Variants in ELAVL4 observed in about 807,000 individuals in gnomAD.
The protein encoded by ELAVL4 is ELAV-like protein 4.
In ELAVL4, 1 loss-of-function variant was observed where a neutral mutation model predicts 35.6. The ratio of observed to expected loss-of-function variants is 0.03; its 90% CI spans 0.01 to 0.13. The LOEUF (loss-of-function observed/expected upper bound fraction) is 0.13, where lower values mean the gene tolerates loss of function less well. Ranked by LOEUF, ELAVL4 falls within the 10% of genes least tolerant of loss-of-function variation. The pLI is 1.00. For missense variants in ELAVL4, 267 were observed against 464.9 expected, an observed-to-expected ratio of 0.57 and a Z score of 3.91; for synonymous variants, 156 against 171.0, an observed-to-expected ratio of 0.91 and a Z score of 0.69.
chr1:50,184,398 C>CCA (rs1553188562), intron 3 of ELAVL4, among the ~76,000 whole-genome samples: 2 of 141,926 alleles, frequency 1.4e-5, no homozygotes, highest in African/African-American at 5.2e-5. Context: ...TGAGCTGCTT[C>CCA]AAAAAAAAAA....
At chr1:50,133,635 GAAAGA>G (rs1166045780) in intron 1 of ELAVL4, among the ~76,000 whole-genome samples, 6 of 148,886 alleles carry the variant, frequency 4.0e-5, no homozygotes, top group Non-Finnish European at 6.0e-5. Flanking sequence ...AAGAAAGAAA[GAAAGA>G]AAGAAAGAAA....
upstream of ELAVL4, among the ~76,000 whole-genome samples, chr1:50,104,261 TTTAAA>T (rs1244884414): frequency 6.6e-6 from 1 of 152,252 alleles, no homozygotes; most frequent in Non-Finnish European, 1.5e-5. Context: ...ATAAACACTC[TTTAAA>T]TTAGCACCAA....
At chr1:50,109,561 G>A in intron 1 of ELAVL4, 1 of 371,108 alleles carries the variant, frequency 2.7e-6, no homozygotes, top group South Asian at 4.2e-5. Context: ...TACGTGCCTG[G>A]GTTTTGTGGG....
chr1:50,064,921 A>C (rs746413064), intron 1 of ELAVL4, among the ~76,000 whole-genome samples: 4 of 152,062 alleles, frequency 2.6e-5, no homozygotes, highest in Non-Finnish European at 4.4e-5. Context: ...ATATGGGTTT[A>C]ACTGCTTTGA....
chr1:50,121,411 C>T (rs1669014720), intron 1 of ELAVL4, among the ~76,000 whole-genome samples: 1 of 151,900 alleles, frequency 6.6e-6, no homozygotes. Context: ...AAAATTAAAA[C>T]AATGGAATGA....
intron 3 of ELAVL4, among the ~76,000 whole-genome samples, chr1:50,189,434 G>A (rs964501903): frequency 2.6e-5 from 4 of 152,248 alleles, no homozygotes; most frequent in African/African-American, 9.6e-5. Context: ...GCAGAATTGG[G>A]AAGTCACTTT....
rs192759305 is a variant in ELAVL4 at position 50,186,895 on chromosome 1, A to G, written c.355-6870A>G. Among the ~76,000 whole-genome samples the G allele has an allele frequency of 2.2e-3, 338 of 152,314 alleles. 1 individual carries two copies. Among genetic ancestry groups the G allele is most frequent in the African/African-American group, 7.9e-3 (328 of 41,552 alleles). On this transcript the variant is annotated intron_variant, in intron 3 of 6. Coordinates refer to ENST00000371824, the MANE Select transcript of ELAVL4 (RefSeq NM_001144774.3). The stretch of plus-strand genomic sequence containing the variant: ...GGAAGTGTAAAGAGTGGTGCTACAT[A>G]AGCAGATGCCTGTCCTGCCTGTGAA...
chr1:50,067,574 A>G (rs1391273043), intron 1 of ELAVL4, among the ~76,000 whole-genome samples: 1 of 152,192 alleles, frequency 6.6e-6, no homozygotes, highest in African/African-American at 2.4e-5. Context: ...CAGGGTTTGT[A>G]TGTTCTGTCA....
At chr1:50,110,019 G>A (rs995188111) in intron 1 of ELAVL4, 1 of 1,604,570 alleles carries the variant, frequency 6.2e-7, no homozygotes, top group Non-Finnish European at 8.5e-7. Flanking sequence ...GTGTGTGTGT[G>A]TGTGTGTGCT....
intron 1 of ELAVL4, among the ~76,000 whole-genome samples, chr1:50,093,425 T>C (rs1665578498): frequency 6.6e-6 from 1 of 152,192 alleles, no homozygotes; most frequent in Non-Finnish European, 1.5e-5. Flanking sequence ...CTGATGTCCT[T>C]TTGAACCACC....
At chr1:50,110,635 C>A (rs1666910101) in intron 1 of ELAVL4, among the ~76,000 whole-genome samples, 1 of 152,128 alleles carries the variant, frequency 6.6e-6, no homozygotes, top group Non-Finnish European at 1.5e-5. Flanking sequence ...TTTTCACCAG[C>A]AATAGGTTTC....
intron 2 of ELAVL4, among the ~76,000 whole-genome samples, chr1:50,165,784 G>A (rs1350447789): frequency 6.6e-6 from 1 of 150,914 alleles, no homozygotes; most frequent in East Asian, 1.9e-4. Flanking sequence ...GTGTATATAT[G>A]TGTATATATA....
intron 2 of ELAVL4, among the ~76,000 whole-genome samples, chr1:50,166,054 A>G (rs1677855814): frequency 6.6e-6 from 1 of 151,942 alleles, no homozygotes; most frequent in Non-Finnish European, 1.5e-5. Context: ...TGCCTGCTTT[A>G]TATTCTAAGG....
intron 1 of ELAVL4, among the ~76,000 whole-genome samples, chr1:50,081,120 G>A (rs1664987733): frequency 6.6e-6 from 1 of 152,128 alleles, no homozygotes; most frequent in Non-Finnish European, 1.5e-5. Flanking sequence ...TGCCAAAATA[G>A]CCCAAAGATG....
rs764075721 is a variant in ELAVL4, at chr1:50,201,055, C to T, written c.978C>T (p.Phe326=). Residue 326 remains phenylalanine (F), a synonymous_variant, in exon 7 of 7, where the codon TTC becomes TTT. Coordinates refer to ENST00000371824, the MANE Select transcript of ELAVL4 (RefSeq NM_001144774.3). This position sits in a 1 kb window ranked among gnomAD's most constrained non-coding sequence, Gnocchi z 4.3. ...RDFNTNKCKG[F]GFVTMTNYDE... ...TCAACACCAACAAGTGCAAGGGATT[C>T]GGCTTTGTCACCATGACCAACTATG... 5.6e-6 allele frequency: 9 copies of T among 1,613,950 alleles called. No individual in the cohort carries two copies. In the African/African-American group the frequency reaches 6.7e-5, roughly 12 times the overall value.
At chr1:50,193,390 T>C (rs1682972154) in intron 3 of ELAVL4, among the ~76,000 whole-genome samples, 2 of 151,748 alleles carry the variant, frequency 1.3e-5, no homozygotes, top group South Asian at 4.2e-4. Context: ...TCTGGTTTAT[T>C]CAAAGATTAT....
chr1:50,116,244 G>A (rs1289736731), intron 1 of ELAVL4, among the ~76,000 whole-genome samples: 1 of 152,078 alleles, frequency 6.6e-6, no homozygotes, highest in Non-Finnish European at 1.5e-5. Flanking sequence ...TTGCCTCCTT[G>A]CTTCTGATGT....
intron 2 of ELAVL4, among the ~76,000 whole-genome samples, chr1:50,164,315 A>G (rs1677346487): frequency 1.3e-5 from 2 of 152,110 alleles, no homozygotes; most frequent in South Asian, 4.1e-4. Flanking sequence ...CTGTTTGCAC[A>G]TGTCTAGGCA....
At chr1:50,179,272 C>G (rs1011883785) in intron 3 of ELAVL4, among the ~76,000 whole-genome samples, 1 of 152,028 alleles carries the variant, frequency 6.6e-6, no homozygotes, top group African/African-American at 2.4e-5. Flanking sequence ...GATGCCATGG[C>G]TGAATCAATA....
Sources: gnomAD v4.1 joint callset for allele counts (sites outside exome capture counted in the v4.1 genomes callset) on GRCh38, gnomAD v4.1.1 for gene constraint, Gnocchi (gnomAD v3.1) non-coding constraint, MANE v1.5 for transcripts, NCBI Gene and HGNC (gene_info 2026-07-23, HGNC 2026-07-21) for gene names.